Variants in PIK3AP1 observed in about 807,000 individuals in gnomAD.
PIK3AP1 encodes phosphoinositide 3-kinase adapter protein 1.
Under a neutral mutation model 88.1 loss-of-function variants are expected in PIK3AP1, and 21 were observed. The ratio of observed to expected loss-of-function variants is 0.24; its 90% CI spans 0.17 to 0.34. The LOEUF (loss-of-function observed/expected upper bound fraction) is 0.34. Ranked by LOEUF, PIK3AP1 falls within the 10% of genes least tolerant of loss-of-function variation. The pLI, the probability that PIK3AP1 is intolerant of heterozygous loss-of-function variation, is 1.00. For synonymous variants in PIK3AP1, 398 were observed against 400.0 expected (o/e 1.00, Z 0.06); for missense variants, 828 against 1,035.7 (o/e 0.80, Z 2.75).
chr10:96,616,759 C>T (rs1487685924), intron 12 of PIK3AP1, 48 bp from the exon 13 acceptor site: 5 of 1,536,584 alleles, frequency 3.3e-6, no homozygotes, highest in Non-Finnish European at 4.5e-6. Flanking sequence ...AGGATGATAC[C>T]CTCTGGACAT....
chr10:96,603,736 C>G (rs966478911), intron 15 of PIK3AP1: 1 of 419,604 alleles, frequency 2.4e-6, no homozygotes, highest in Non-Finnish European at 4.4e-6. Flanking sequence ...TGTTCTGTCC[C>G]TCTAGAGAAC....
intron 10 of PIK3AP1, among the ~76,000 whole-genome samples, chr10:96,623,943 C>T (rs1358463166): frequency 6.6e-6 from 1 of 152,206 alleles, no homozygotes; most frequent in African/African-American, 2.4e-5. Flanking sequence ...AATGTGTGCA[C>T]AGCTCCAAAG....
At chr10:96,603,725 ATG>A (rs1848950382) in intron 15 of PIK3AP1, 1 of 364,526 alleles carries the variant, frequency 2.7e-6, no homozygotes, top group Non-Finnish European at 5.1e-6. Context: ...ATATATATAT[ATG>A]TTCTGTCCCT....
chr10:96,689,575 CAAAAAA>C (rs56828361), intron 2 of PIK3AP1, among the ~76,000 whole-genome samples: 1 of 70,446 alleles, frequency 1.4e-5, no homozygotes, highest in Admixed American at 1.8e-4. Flanking sequence ...GACTCTGTCT[CAAAAAA>C]AAAAAAAAAA....
intron 2 of PIK3AP1, among the ~76,000 whole-genome samples, chr10:96,707,002 T>C (rs774122942): frequency 2.4e-4 from 36 of 152,246 alleles, no homozygotes; most frequent in Non-Finnish European, 4.7e-4. Flanking sequence ...TATCCATTGA[T>C]TCTGAACTGC....
At chr10:96,631,673 G>A (rs1217393746) in intron 8 of PIK3AP1, among the ~76,000 whole-genome samples, 1 of 152,168 alleles carries the variant, frequency 6.6e-6, no homozygotes, top group African/African-American at 2.4e-5. Context: ...TGGATTGCTT[G>A]AGGTCAGGAG....
At chr10:96,695,496 T>C (rs1749580978) in intron 2 of PIK3AP1, among the ~76,000 whole-genome samples, 1 of 152,218 alleles carries the variant, frequency 6.6e-6, no homozygotes, top group Non-Finnish European at 1.5e-5. Flanking sequence ...TCCTGTGTTA[T>C]CAGATGTTGG....
chr10:96,700,936 G>GTGTCATGACC (rs112493007), intron 2 of PIK3AP1: 466,922 of 974,444 alleles, frequency 0.48, 113,374 homozygotes, highest in Middle Eastern at 0.68. Context: ...TGGGACTACT[G>GTGTCATGACC]TGCCCATAAC....
chr10:96,698,742 A>G (rs1268682374), intron 2 of PIK3AP1, among the ~76,000 whole-genome samples: 1 of 151,984 alleles, frequency 6.6e-6, no homozygotes, highest in Non-Finnish European at 1.5e-5. Context: ...CAAAATAAAT[A>G]AATAAATAAA....
chr10:96,612,977 T>C lies in PIK3AP1; in HGVS notation c.2015-3110A>G, dbSNP rs1849146579. On this transcript the variant is annotated intron_variant, in intron 13 of 16. Coordinates refer to ENST00000339364, the MANE Select transcript of PIK3AP1 (RefSeq NM_152309.3). ...ATATATATATATATATATATATATA[T>C]ATATATTTTTTTTTTTTTTTTTTTT... 7.9e-5 allele frequency among the ~76,000 whole-genome samples: 4 copies of C among 50,574 alleles called. No homozygotes were observed. The South Asian group carries it at 2.9e-3, about 37-fold the overall frequency. 33.2% of individuals were successfully genotyped at this position (50,574 alleles called of 152,430 possible).
chr10:96,623,221 C>T (rs149920577), intron 11 of PIK3AP1, among the ~76,000 whole-genome samples: 1 of 152,008 alleles, frequency 6.6e-6, no homozygotes, highest in African/African-American at 2.4e-5. Context: ...TAATTTTTAT[C>T]TAATTAATTA....
At chr10:96,617,228 A>G (rs1849229274) in intron 12 of PIK3AP1, among the ~76,000 whole-genome samples, 1 of 152,252 alleles carries the variant, frequency 6.6e-6, no homozygotes, top group Admixed American at 6.5e-5. Context: ...TTCAAGGTCA[A>G]GAGACCACGT....
chr10:96,629,169 C>T (rs1843203440), intron 8 of PIK3AP1, among the ~76,000 whole-genome samples: 1 of 151,788 alleles, frequency 6.6e-6, no homozygotes, highest in African/African-American at 2.4e-5. Context: ...TTTTCAAAAA[C>T]ATAATGTTGA....
intron 12 of PIK3AP1, among the ~76,000 whole-genome samples, chr10:96,617,663 G>C (rs954129857): frequency 6.6e-6 from 1 of 152,172 alleles, no homozygotes; most frequent in African/African-American, 2.4e-5. Context: ...TGGAGAGACA[G>C]GAGCAGATGC....
chr10:96,670,175 G>A (rs4393246), intron 2 of PIK3AP1, among the ~76,000 whole-genome samples: 54,711 of 116,612 alleles, frequency 0.47, 14,272 homozygotes, highest in African/African-American at 0.68. Flanking sequence ...AAAAAAAAAA[G>A]AGAGAGAGAG....
chr10:96,643,932 A>T (rs1250593955), intron 8 of PIK3AP1, among the ~76,000 whole-genome samples: 7 of 152,114 alleles, frequency 4.6e-5, no homozygotes, highest in Non-Finnish European at 8.8e-5. Flanking sequence ...TATTAATGAA[A>T]ACCAGAGGGA....
chr10:96,639,157 G>A (rs938780513), intron 8 of PIK3AP1, among the ~76,000 whole-genome samples: 4 of 152,136 alleles, frequency 2.6e-5, no homozygotes, highest in African/African-American at 9.7e-5. Context: ...ACCCTGAGAT[G>A]TCTCACACTC....
chr10:96,598,029 T>TTTG (rs1239838258), intron 16 of PIK3AP1, among the ~76,000 whole-genome samples: 5 of 137,122 alleles, frequency 3.6e-5, no homozygotes, highest in African/African-American at 1.3e-4. Context: ...AGTGGGTTTT[T>TTTG]TTTGTTTTTT....
At chr10:96,601,244 C>T (rs1426243734) in intron 16 of PIK3AP1, among the ~76,000 whole-genome samples, 2 of 151,916 alleles carry the variant, frequency 1.3e-5, no homozygotes, top group East Asian at 1.9e-4. Flanking sequence ...GAGGCTGAGG[C>T]GAGCAGATTA....
Sources: allele counts gnomAD v4.1 joint callset (sites outside exome capture counted in the v4.1 genomes callset), GRCh38; gene constraint gnomAD v4.1.1; transcripts MANE v1.5; gene names NCBI Gene and HGNC (gene_info 2026-07-23, HGNC 2026-07-21).